Variants in VIRMA observed in about 807,000 individuals in gnomAD.
VIRMA encodes the protein vir like m6A methyltransferase associated.
A neutral mutation model predicts 182.4 loss-of-function variants in VIRMA; 65 were observed. The observed-to-expected ratio is 0.36, with a 90% CI of 0.29 to 0.44. The LOEUF is 0.44. VIRMA is among the 20% of genes least tolerant of loss of function. The probability of loss-of-function intolerance (pLI) is 1.00; values close to 1 mark genes in which losing one functional copy is unlikely to be tolerated. For synonymous variants in VIRMA, 709 were observed against 743.1 expected (o/e 0.95, Z 0.75); for missense variants, 1,752 against 2,158.1 (o/e 0.81, Z 3.73).
chr8:94,544,681 GA>G (rs775814781), intron 1 of VIRMA, among the ~76,000 whole-genome samples: 6 of 130,560 alleles, frequency 4.6e-5, no homozygotes, highest in East Asian at 2.3e-4. Flanking sequence ...AAAAAAAAAA[GA>G]AAAAAAAAGA....
At chr8:94,543,375 T>A (rs999418319) in intron 2 of VIRMA, among the ~76,000 whole-genome samples, 1 of 118,006 alleles carries the variant, frequency 8.5e-6, no homozygotes, top group Non-Finnish European at 1.6e-5. Context: ...CATTCCAGCC[T>A]GGACAACAGG....
At chr8:94,528,275 C>T (rs1481914189) in intron 7 of VIRMA, among the ~76,000 whole-genome samples, 2 of 150,676 alleles carry the variant, frequency 1.3e-5, no homozygotes, top group Admixed American at 1.3e-4. Context: ...AAACTGCCTG[C>T]CTAACATTTA....
intron 22 of VIRMA, 176 bp from the exon 23 acceptor site, chr8:94,490,258 A>G: frequency 1.6e-6 from 1 of 608,418 alleles, no homozygotes; most frequent in South Asian, 2.5e-5. Flanking sequence ...CTAGAGCCAA[A>G]CTGCCAGGGA....
rs771457793 is a variant in VIRMA, at chr8:94,517,906, G to A, written c.2550C>T (p.Tyr850=). 11 of 1,612,018 alleles carry A rather than the reference G, an allele frequency of 6.8e-6. No homozygotes were observed. Among genetic ancestry groups the A allele is most frequent in the Admixed American group, 1.7e-5 (1 of 59,980 alleles). The change falls in exon 10 of 24, where the codon TAC becomes TAT. Residue 850 remains tyrosine, a synonymous_variant. Coordinates refer to ENST00000297591, the MANE Select transcript of VIRMA (RefSeq NM_015496.5). ...CCACCACCAAAATAAGTATGCATGC[G>A]TAATTATAAGCTACTGACTTCTTAG... ...SKSKKSVAYN[Y]ACILILVVVQ...
chr8:94,549,047 C>T (rs75131879), intron 1 of VIRMA, among the ~76,000 whole-genome samples: 22,799 of 152,220 alleles, frequency 0.15, 2,102 homozygotes, highest in South Asian at 0.3. Context: ...CATGCCACCA[C>T]ACCTGGCTTA....
intron 16 of VIRMA, among the ~76,000 whole-genome samples, chr8:94,502,119 G>A (rs1177093724): frequency 6.6e-6 from 1 of 152,090 alleles, no homozygotes; most frequent in Non-Finnish European, 1.5e-5. Flanking sequence ...TCCAGTGTTA[G>A]GTGCATATAT....
chr8:94,547,281 G>A (rs1815803860), intron 1 of VIRMA, among the ~76,000 whole-genome samples: 1 of 151,022 alleles, frequency 6.6e-6, no homozygotes, highest in Non-Finnish European at 1.5e-5. Context: ...TAAAAACAAA[G>A]CCTAGGAAAA....
chr8:94,535,148 T>C, intron 4 of VIRMA, 141 bp from the exon 5 acceptor site: 1 of 1,276,290 alleles, frequency 7.8e-7, no homozygotes, highest in Non-Finnish European at 1.0e-6. Context: ...AAAGTGAAAT[T>C]TACCTAGGCA....
At chr8:94,516,453 T>C (rs922123861) in intron 10 of VIRMA, among the ~76,000 whole-genome samples, 1 of 152,174 alleles carries the variant, frequency 6.6e-6, no homozygotes, top group Non-Finnish European at 1.5e-5. Flanking sequence ...TCCTATATTC[T>C]ATCACCAAAA....
chr8:94,537,553 T>C (rs1815384559), intron 3 of VIRMA, among the ~76,000 whole-genome samples: 1 of 152,166 alleles, frequency 6.6e-6, no homozygotes, highest in African/African-American at 2.4e-5. Flanking sequence ...CTTCAAATTA[T>C]CTAAGGTTGC....
rs774843294 is a variant in VIRMA at position 94,510,691 on chromosome 8, T to G, written c.3391-39A>C. ...ATAATGTGTGTGTACGTAGATTTTT[T>G]AATATTTATTTATAGTCACAAAAAC... On this transcript the variant is annotated intron_variant, in intron 13 of 23. Coordinates refer to ENST00000297591, the MANE Select transcript of VIRMA (RefSeq NM_015496.5). 1.4e-5 allele frequency: 20 copies of G among 1,429,950 alleles called. No homozygotes were observed. The South Asian group carries it at 2.4e-4, about 17-fold the overall frequency. 88.6% of individuals were successfully genotyped at this position (1,429,950 alleles called of 1,614,324 possible).
chr8:94,493,167 T>TCTGCC (rs1427654216), intron 20 of VIRMA, among the ~76,000 whole-genome samples: 1 of 152,202 alleles, frequency 6.6e-6, no homozygotes, highest in Non-Finnish European at 1.5e-5. Context: ...AATAACATAC[T>TCTGCC]CTGCCAGCCT....
intron 8 of VIRMA, among the ~76,000 whole-genome samples, chr8:94,522,135 A>G (rs1814793610): frequency 6.6e-6 from 1 of 152,214 alleles, no homozygotes; most frequent in South Asian, 2.1e-4. Flanking sequence ...CAATAAAAAA[A>G]TTTGCATGCC....
Position 94,553,455 on chromosome 8 carries a change from G to A in VIRMA, c.-8C>T, listed in dbSNP as rs1816083866. The stretch of plus-strand genomic sequence containing the variant: ...CGCCGAGTCCACCGCCATGTTTGCC[G>A]CGGGCGGGGAACAGGGGGGAGGACT... On this transcript the variant is annotated 5_prime_UTR_variant, in exon 1 of 24. Transcript: ENST00000297591. 1.2e-6 allele frequency: 2 copies of A among 1,613,962 alleles called. No individual in the cohort carries two copies. The highest frequency in any genetic ancestry group is 1.1e-5 in the South Asian group (1 of 91,080).
chr8:94,546,739 A>G (rs1000876224), intron 1 of VIRMA: 3 of 337,708 alleles, frequency 8.9e-6, no homozygotes, highest in Non-Finnish European at 1.7e-5. Flanking sequence ...CCGAGTCCCT[A>G]AAGTCCATTG....
chr8:94,525,268 ACACTTTAAC>A (rs1814920170), intron 8 of VIRMA, among the ~76,000 whole-genome samples: 1 of 152,258 alleles, frequency 6.6e-6, no homozygotes, highest in Non-Finnish European at 1.5e-5. Flanking sequence ...AGCAGGAGAT[ACACTTTAAC>A]CAGTTCTTCG....
Position 94,491,823 on chromosome 8 carries a change from C to G in VIRMA, c.4895G>C (p.Gly1632Ala), listed in dbSNP as rs763773678. The change falls in exon 22 of 24, where the codon GGT becomes GCT. Residue 1632 changes from glycine (G) to alanine (A), a missense_variant. Physicochemically the swap from Gly to Ala is moderately conservative, Grantham distance 60 (BLOSUM62 0). This residue lies in a region of VIRMA where 27 missense variants were observed against 60.8 expected (regional missense o/e 0.44). Coordinates refer to ENST00000297591, the MANE Select transcript of VIRMA (RefSeq NM_015496.5). ...ACGAAAAATATCATGAGGTCGTATACCCTGTCCAAATCCTCCCCTGCCCCT... is the reference window on the plus strand; with the variant it reads ...ACGAAAAATATCATGAGGTCGTATAGCCTGTCCAAATCCTCCCCTGCCCCT... Reference protein sequence around the residue: ...RGRGRGGFGQGIRPHDIFRQR... With the variant: ...RGRGRGGFGQAIRPHDIFRQR... 1 of 1,613,834 alleles carries G rather than the reference C, an allele frequency of 6.2e-7. No individual in the cohort carries two copies. Among genetic ancestry groups the G allele is most frequent in the Admixed American group, 1.7e-5 (1 of 59,976 alleles).
chr8:94,509,363 T>C (rs28524089), intron 15 of VIRMA, among the ~76,000 whole-genome samples: 6,038 of 151,014 alleles, frequency 0.04, 132 homozygotes, highest in Non-Finnish European at 0.05. Context: ...GATCACGCCA[T>C]TGCACTCCAG....
rs1816078990 is a variant in VIRMA, at chr8:94,553,404, A to G, written c.44T>C (p.Phe15Ser). ...CCTTACCTCAGCGCTCGGGTGTTTA[A>G]AAGTATCTAAAAATAACAGCTCCAT... ...SAMELLFLDT[F>S]KHPSAEQSSH... Residue 15 changes from phenylalanine (F) to serine (S), a missense_variant, in exon 1 of 24, where the codon TTT becomes TCT. Phe to Ser is a radical substitution (Grantham distance 155). Around this residue, in one of 11 missense-constraint regions of VIRMA, gnomAD observed 195 missense variants for 191.7 expected, o/e 1.02. Coordinates refer to ENST00000297591, the MANE Select transcript of VIRMA (RefSeq NM_015496.5). 6.2e-7 allele frequency: 1 copy of G among 1,614,102 alleles called. No individual in the cohort carries two copies. The highest frequency in any genetic ancestry group is 8.5e-7 in the Non-Finnish European group (1 of 1,180,028).
Sources: gnomAD v4.1 joint callset for allele counts (sites outside exome capture counted in the v4.1 genomes callset) on GRCh38, gnomAD v4.1.1 for gene constraint, gnomAD v4.1.1 regional missense constraint, MANE v1.5 for transcripts, NCBI Gene and HGNC (gene_info 2026-07-23, HGNC 2026-07-21) for gene names.